The following PDGFRL variants were observed in gnomAD, a reference collection of about 807,000 sequenced individuals.
PDGFRL encodes the protein platelet-derived growth factor receptor-like protein.
A neutral mutation model predicts 37.2 loss-of-function variants in PDGFRL; 46 were observed. That is an observed-to-expected ratio of 1.24 (90% CI 0.98 to 1.58). The LOEUF (loss-of-function observed/expected upper bound fraction) is 1.58, where lower values mean the gene tolerates loss of function less well. Ranked by LOEUF, PDGFRL falls within the 40% of genes most tolerant of loss-of-function variation. PDGFRL has a pLI of 0.00. For synonymous variants in PDGFRL, 251 were observed against 184.3 expected (o/e 1.36, Z -2.93); for missense variants, 692 against 467.6 (o/e 1.48, Z -4.43).
At chr8:17,608,295 G>C (rs554526378) in intron 2 of PDGFRL, among the ~76,000 whole-genome samples, 86 of 152,298 alleles carry the variant, frequency 5.6e-4, no homozygotes, top group African/African-American at 2.0e-3. Context: ...GCAGAGGTCA[G>C]AAAGCACCAG....
At chr8:17,582,489 G>T (rs1345348983) in intron 1 of PDGFRL, among the ~76,000 whole-genome samples, 1 of 151,472 alleles carries the variant, frequency 6.6e-6, no homozygotes. Flanking sequence ...GGCTGAGGCA[G>T]GGGAGTCGCT....
intron 2 of PDGFRL, among the ~76,000 whole-genome samples, chr8:17,603,101 G>C (rs1402953559): frequency 6.6e-6 from 1 of 152,154 alleles, no homozygotes; most frequent in Non-Finnish European, 1.5e-5. Context: ...TCATGCCTCA[G>C]CCTCTCAAGT....
At chr8:17,622,720 A>T (rs1490689739) in intron 3 of PDGFRL, among the ~76,000 whole-genome samples, 2 of 152,190 alleles carry the variant, frequency 1.3e-5, no homozygotes, top group East Asian at 3.8e-4. Flanking sequence ...AGCTCTCAGC[A>T]AAAAGAGGGG....
intron 2 of PDGFRL, among the ~76,000 whole-genome samples, chr8:17,618,263 C>G (rs1171517898): frequency 6.6e-6 from 1 of 151,958 alleles, no homozygotes; most frequent in Admixed American, 6.6e-5. Context: ...GCTATGTTGC[C>G]CAATCTGGTC....
At chr8:17,591,792 T>TGAG (rs1424037729) in intron 2 of PDGFRL, among the ~76,000 whole-genome samples, 1 of 152,094 alleles carries the variant, frequency 6.6e-6, no homozygotes, top group East Asian at 1.9e-4. Context: ...TGCATGTCTC[T>TGAG]AGTCCCAGCT....
At chr8:17,615,526 A>G (rs567242002) in intron 2 of PDGFRL, among the ~76,000 whole-genome samples, 1 of 152,282 alleles carries the variant, frequency 6.6e-6, no homozygotes, top group East Asian at 1.9e-4. Context: ...TTGCTTCTCT[A>G]TGTTTCGGTG....
rs1563506701 is a variant in PDGFRL at position 17,589,781 on chromosome 8, TA to T, written c.353+20del. The T allele has an allele frequency of 1.3e-6, 2 of 1,496,882 alleles. No individual in the cohort carries two copies. The highest frequency in any genetic ancestry group is 2.3e-5 in the East Asian group (1 of 44,194). The allele number at this position is 1,496,882 out of a possible 1,614,324, so 92.7% of individuals were successfully genotyped here. Reference sequence around the variant, plus strand: ...CTCGCCTCAGGTAAGCATTTTTTTTTAAAACTGTGTAGGGTTGAGGATTTGT... The same window carrying T: ...CTCGCCTCAGGTAAGCATTTTTTTTTAAACTGTGTAGGGTTGAGGATTTGT... On this transcript the variant is annotated intron_variant, in intron 2 of 5. Coordinates refer to ENST00000251630, the MANE Select transcript of PDGFRL (RefSeq NM_001372073.1).
chr8:17,607,969 G>C (rs1167398655), intron 2 of PDGFRL, among the ~76,000 whole-genome samples: 3 of 152,222 alleles, frequency 2.0e-5, no homozygotes, highest in Non-Finnish European at 4.4e-5. Context: ...TGGCGGCTCC[G>C]TCCCACCCAC....
Position 17,628,662 on chromosome 8 carries a change from G to T in PDGFRL, c.681G>T (p.Met227Ile). The T allele has an allele frequency of 1.2e-6, 2 of 1,614,090 alleles. No homozygotes were observed. Among genetic ancestry groups the T allele is most frequent in the Non-Finnish European group, 1.7e-6 (2 of 1,179,890 alleles). The change falls in exon 4 of 6, where the codon ATG (methionine) becomes ATT (isoleucine). Residue 227 changes from methionine (M) to isoleucine (I), a missense_variant. Transcript: ENST00000251630. Reference protein sequence around the residue: ...PANGTDIVYDMKRGFVYLQPH... With the variant: ...PANGTDIVYDIKRGFVYLQPH... ...ATGGAACGGACATTGTTTATGACATGAAGCGGGGCTTTGTGTATCTGCAAC... is the reference window on the plus strand; with the variant it reads ...ATGGAACGGACATTGTTTATGACATTAAGCGGGGCTTTGTGTATCTGCAAC...
chr8:17,627,614 C>T (rs373703798), intron 3 of PDGFRL, among the ~76,000 whole-genome samples: 57 of 151,330 alleles, frequency 3.8e-4, no homozygotes, highest in Middle Eastern at 3.4e-3. Context: ...GGACTACAGG[C>T]GCGCACCACC....
At chr8:17,584,387 G>A (rs1185609394) in intron 1 of PDGFRL, among the ~76,000 whole-genome samples, 1 of 152,138 alleles carries the variant, frequency 6.6e-6, no homozygotes, top group African/African-American at 2.4e-5. Context: ...TTTAGATCTG[G>A]AGTGTAGAGG....
At chr8:17,592,722 C>G (rs552751248) in intron 2 of PDGFRL, among the ~76,000 whole-genome samples, 2 of 152,186 alleles carry the variant, frequency 1.3e-5, no homozygotes, top group South Asian at 2.1e-4. Flanking sequence ...GGCAGGCCCC[C>G]CCAGCTATGT....
rs552126305 is a variant in PDGFRL at position 17,620,132 on chromosome 8, G to A, written c.354-919G>A. Among the ~76,000 whole-genome samples, 10 of 152,142 alleles carry A rather than the reference G, an allele frequency of 6.6e-5. No individual in the cohort carries two copies. The South Asian group carries it at 2.1e-3, about 32-fold the overall frequency. ...AGTCAGCCATCATGCCAGGCTCATTGTTTAATTTTTGTAAAAATGGGGTCT... is the reference window on the plus strand; with the variant it reads ...AGTCAGCCATCATGCCAGGCTCATTATTTAATTTTTGTAAAAATGGGGTCT... On this transcript the variant is annotated intron_variant, in intron 2 of 5. Coordinates refer to ENST00000251630, the MANE Select transcript of PDGFRL (RefSeq NM_001372073.1).
In PDGFRL at chr8:17,599,003, G is replaced by A. The variant is rs548120267; in HGVS notation, c.353+9238G>A. Among the ~76,000 whole-genome samples the A allele has an allele frequency of 4.6e-5, 7 of 152,290 alleles. No individual in the cohort carries two copies. In the East Asian group the frequency reaches 1.4e-3, roughly 29 times the overall value. The stretch of plus-strand genomic sequence containing the variant: ...TTATACATTACTCAGTCTCAGGTAT[G>A]TCTTTATTAGCAATGTGAGAACAGA... On this transcript the variant is annotated intron_variant, in intron 2 of 5. Transcript: ENST00000251630.
At chr8:17,585,303 C>G (rs1470469322) in intron 1 of PDGFRL, among the ~76,000 whole-genome samples, 1 of 152,108 alleles carries the variant, frequency 6.6e-6, no homozygotes, top group Non-Finnish European at 1.5e-5. Context: ...GCCTTTACCT[C>G]CTGGGAATGC....
At chr8:17,584,585 A>G (rs1231486693) in intron 1 of PDGFRL, among the ~76,000 whole-genome samples, 2 of 152,130 alleles carry the variant, frequency 1.3e-5, no homozygotes, top group Non-Finnish European at 2.9e-5. Flanking sequence ...AAGGCAGCAC[A>G]GGGTCCTGCG....
At position 17,642,606 on chromosome 8, in the gene PDGFRL, T is replaced by C. The variant is rs762739206; in HGVS notation, c.940-7T>C. Reference sequence around the variant, plus strand: ...TTGCTTCAGTCTTTGTGGGTGTCGTTAAACAGGATGAAAGGCCTGTGACGA... The same window carrying C: ...TTGCTTCAGTCTTTGTGGGTGTCGTCAAACAGGATGAAAGGCCTGTGACGA... On this transcript the variant is annotated splice_polypyrimidine_tract_variant and splice_region_variant and intron_variant, in intron 5 of 5. Transcript: ENST00000251630. The C allele has an allele frequency of 6.3e-7, 1 of 1,590,372 alleles. No homozygotes were observed. Among genetic ancestry groups the C allele is most frequent in the Non-Finnish European group, 8.6e-7 (1 of 1,158,642 alleles).
At chr8:17,634,982 T>TAA (rs759933210) in intron 5 of PDGFRL, among the ~76,000 whole-genome samples, 5,257 of 151,288 alleles carry the variant, frequency 0.035, 242 homozygotes, top group African/African-American at 0.11. Flanking sequence ...GGTTTTTTTT[T>TAA]AAAAAAAAGG....
chr8:17,628,907 G>C (rs1447685157), intron 4 of PDGFRL, 127 bp downstream of exon 4: 11 of 654,584 alleles, frequency 1.7e-5, no homozygotes, highest in African/African-American at 1.1e-4. Flanking sequence ...TTGTTGGGTT[G>C]TTGTTGTTTT....
Sources: allele counts gnomAD v4.1 joint callset (sites outside exome capture counted in the v4.1 genomes callset), GRCh38; gene constraint gnomAD v4.1.1; transcripts MANE v1.5; gene names NCBI Gene and HGNC (gene_info 2026-07-23, HGNC 2026-07-21).